DCUN1D3: variants seen among roughly 807,000 people sequenced by gnomAD.
DCUN1D3 encodes the protein DCN1-like protein 3.
In DCUN1D3, 6 loss-of-function variants were observed where a neutral mutation model predicts 24.8. The observed-to-expected ratio is 0.24, with a 90% CI of 0.13 to 0.48. DCUN1D3 has a LOEUF of 0.48. Among genes scored for constraint, DCUN1D3 ranks in the 20% least tolerant of loss-of-function variants. The pLI, the probability that DCUN1D3 is intolerant of heterozygous loss-of-function variation, is 0.99. For synonymous variants in DCUN1D3, 120 were observed against 144.9 expected (o/e 0.83, Z 1.24); for missense variants, 258 against 379.4 (o/e 0.68, Z 2.66).
intron 1 of DCUN1D3, among the ~76,000 whole-genome samples, chr16:20,892,860 T>C (rs1267768484): frequency 6.6e-6 from 1 of 152,210 alleles, no homozygotes; most frequent in Non-Finnish European, 1.5e-5. Flanking sequence ...CAGCTTTCTA[T>C]CAAGTATCCA....
At position 20,889,224 on chromosome 16, in the gene DCUN1D3, C is replaced by CAA. The variant is rs398028978; in HGVS notation, c.-106+10978_-106+10979dup. ...TAGGTGACAAAGTGAGACTCCATCT[C>CAA]AAAAAAAAAAAAAAAAAATTAGCCA... On this transcript the variant is annotated intron_variant, in intron 1 of 2. Transcript: ENST00000324344. 7.0e-3 allele frequency among the ~76,000 whole-genome samples: 763 copies of CAA among 109,752 alleles called. 8 individuals carry two copies. Among genetic ancestry groups the CAA allele is most frequent in the African/African-American group, 0.022 (578 of 26,130 alleles). The allele number at this position is 109,752 out of a possible 152,430, so 72.0% of individuals were successfully genotyped here. A position where few individuals can be genotyped will look rare whatever the true frequency, so the allele number is the denominator to read the frequency against.
intron 1 of DCUN1D3, chr16:20,896,310 A>G (rs1000247780): frequency 6.6e-6 from 1 of 152,208 alleles, no homozygotes; most frequent in Non-Finnish European, 1.5e-5. Context: ...CCACTTACCC[A>G]CAACTCCAAT....
intron 1 of DCUN1D3, among the ~76,000 whole-genome samples, chr16:20,889,863 A>T (rs917641318): frequency 6.6e-6 from 1 of 152,164 alleles, no homozygotes; most frequent in Non-Finnish European, 1.5e-5. Flanking sequence ...CAAGCACATG[A>T]TTAGACCTCA....
intron 1 of DCUN1D3, among the ~76,000 whole-genome samples, chr16:20,888,946 G>A (rs1331290415): frequency 6.6e-6 from 1 of 152,126 alleles, no homozygotes; most frequent in Non-Finnish European, 1.5e-5. Flanking sequence ...AATTAGCCAG[G>A]GCCAGGCACA....
At chr16:20,864,813 A>T (rs1290548353) in intron 1 of DCUN1D3, among the ~76,000 whole-genome samples, 6 of 152,158 alleles carry the variant, frequency 3.9e-5, no homozygotes, top group African/African-American at 1.4e-4. Flanking sequence ...TGCAGCCATA[A>T]AAAAGAACGA....
At chr16:20,875,266 T>A (rs1339819274) in intron 1 of DCUN1D3, among the ~76,000 whole-genome samples, 2 of 147,612 alleles carry the variant, frequency 1.4e-5, no homozygotes, top group East Asian at 4.0e-4. Context: ...AAATGTTGCA[T>A]CCAACAATAG....
At chr16:20,898,893 A>AT (rs1354665794) in intron 1 of DCUN1D3, among the ~76,000 whole-genome samples, 33 of 152,240 alleles carry the variant, frequency 2.2e-4, no homozygotes, top group African/African-American at 7.2e-4. Flanking sequence ...GTGCTCCTTG[A>AT]TTTTTTTTAA....
intron 1 of DCUN1D3, among the ~76,000 whole-genome samples, chr16:20,882,647 T>C (rs951661136): frequency 6.6e-6 from 1 of 152,028 alleles, no homozygotes; most frequent in African/African-American, 2.4e-5. Flanking sequence ...ATAAAGTCCT[T>C]AAGAGCAAGA....
chr16:20,870,997 G>C (rs1053579030), intron 1 of DCUN1D3, among the ~76,000 whole-genome samples: 1 of 152,152 alleles, frequency 6.6e-6, no homozygotes, highest in Non-Finnish European at 1.5e-5. Context: ...GACTCTGAAT[G>C]ACCTGAGAAA....
intron 1 of DCUN1D3, among the ~76,000 whole-genome samples, chr16:20,883,810 TGA>T (rs1423118349): frequency 6.6e-6 from 1 of 152,238 alleles, no homozygotes; most frequent in Non-Finnish European, 1.5e-5. Context: ...AATCAACGAT[TGA>T]GAGCTGTGAA....
chr16:20,881,788 A>C (rs1161800507), intron 1 of DCUN1D3, among the ~76,000 whole-genome samples: 1 of 152,130 alleles, frequency 6.6e-6, no homozygotes, highest in Non-Finnish European at 1.5e-5. Flanking sequence ...CCTTTCAGTT[A>C]GGTGGGGAAA....
At chr16:20,873,975 T>C (rs1383951328) in intron 1 of DCUN1D3, among the ~76,000 whole-genome samples, 1 of 152,174 alleles carries the variant, frequency 6.6e-6, no homozygotes, top group Non-Finnish European at 1.5e-5. Flanking sequence ...TTGAAGGCAT[T>C]ATTTACACCC....
In DCUN1D3 at chr16:20,859,026, A is replaced by G. The variant is rs2081715846; in HGVS notation, c.*860T>C. The G allele has an allele frequency of 6.6e-6, 1 of 151,984 alleles. No individual in the cohort carries two copies. Among genetic ancestry groups the G allele is most frequent in the African/African-American group, 2.4e-5 (1 of 41,188 alleles). The allele number at this position is 151,984 out of a possible 1,614,324, so 9.4% of individuals were successfully genotyped here. A position where few individuals can be genotyped will look rare whatever the true frequency, so the allele number is the denominator to read the frequency against. ...AATACAGAAACTTCATCAAAGAAAG[A>G]AAACTATCAAAGAAGTCTACTTCCA... On this transcript the variant is annotated 3_prime_UTR_variant, in exon 3 of 3. Coordinates refer to ENST00000324344, the MANE Select transcript of DCUN1D3 (RefSeq NM_173475.4).
At chr16:20,895,664 A>C (rs1294762678) in intron 1 of DCUN1D3, among the ~76,000 whole-genome samples, 1 of 152,212 alleles carries the variant, frequency 6.6e-6, no homozygotes, top group Non-Finnish European at 1.5e-5. Flanking sequence ...TTCTGTGGTA[A>C]TCCCTTCTCA....
At chr16:20,869,337 T>C (rs1390250582) in intron 1 of DCUN1D3, among the ~76,000 whole-genome samples, 2 of 152,118 alleles carry the variant, frequency 1.3e-5, no homozygotes, top group Non-Finnish European at 2.9e-5. Flanking sequence ...GAGAGAGAAG[T>C]GTGAACTACT....
chr16:20,866,881 C>G (rs2081764717), intron 1 of DCUN1D3, among the ~76,000 whole-genome samples: 1 of 152,184 alleles, frequency 6.6e-6, no homozygotes, highest in African/African-American at 2.4e-5. Context: ...TGTCTACCCC[C>G]TTCTCTGGGA....
chr16:20,864,089 A>C (rs560486065), intron 1 of DCUN1D3, among the ~76,000 whole-genome samples: 1 of 152,346 alleles, frequency 6.6e-6, no homozygotes, highest in African/African-American at 2.4e-5. Flanking sequence ...AAGACACCAA[A>C]AGCAATCAAA....
rs2285835 is a variant in DCUN1D3 at position 20,855,239 on chromosome 16, C to T, written c.*4647G>A. On this transcript the variant is annotated 3_prime_UTR_variant, in exon 3 of 3. Transcript: ENST00000324344. ...GGTATATCTGTGGGACCAATTCATC[C>T]AAGCCCCATGTGCCTATTGCTTCAC... 23,677 of 152,238 alleles carry T rather than the reference C, an allele frequency of 0.16. 2,449 individuals are homozygous for T. Among genetic ancestry groups the T allele is most frequent in the East Asian group, 0.37 (1,923 of 5,174 alleles). 9.4% of individuals were successfully genotyped at this position (152,238 alleles called of 1,614,324 possible).
chr16:20,862,270 C>G lies in DCUN1D3; in HGVS notation c.269G>C (p.Arg90Thr). The change falls in exon 2 of 3, where the codon AGA becomes ACA. Residue 90 changes from arginine to threonine, a missense_variant. By Grantham distance (71) the Arg-to-Thr change is moderately conservative. Coordinates refer to ENST00000324344, the MANE Select transcript of DCUN1D3 (RefSeq NM_173475.4). The stretch of plus-strand genomic sequence containing the variant: ...GTAGCGCCTGAACAGTTCTTCCAAT[C>G]TTTGCAAGGAAGACTCCTCGGCATT... ...KSNAEESSLQ[R>T]LEELFRRYKD... The G allele has an allele frequency of 6.2e-7, 1 of 1,614,244 alleles. No individual in the cohort carries two copies. Among genetic ancestry groups the G allele is most frequent in the Non-Finnish European group, 8.5e-7 (1 of 1,180,038 alleles).
Sources: gnomAD v4.1 joint callset for allele counts (sites outside exome capture counted in the v4.1 genomes callset) on GRCh38, gnomAD v4.1.1 for gene constraint, MANE v1.5 for transcripts, NCBI Gene and HGNC (gene_info 2026-07-23, HGNC 2026-07-21) for gene names.